The following DNAH5 variants were observed in gnomAD, a reference collection of about 807,000 sequenced individuals.
DNAH5 encodes dynein axonemal heavy chain 5, also known as axonemal beta dynein heavy chain 5.
In DNAH5, 372 loss-of-function variants were observed where a neutral mutation model predicts 518.2. That is an observed-to-expected ratio of 0.72 (90% confidence interval 0.66 to 0.78). DNAH5 has a LOEUF of 0.78. Ranked by LOEUF, DNAH5 falls within the 30% of genes least tolerant of loss-of-function variation. The pLI is 0.00. For missense variants in DNAH5, 5,523 were observed against 5,687.0 expected (o/e 0.97, Z 0.93); for synonymous variants, 2,039 against 2,025.9 (o/e 1.01, Z -0.17).
At chr5:13,862,349 G>A (rs1768574743) in intron 29 of DNAH5, among the ~76,000 whole-genome samples, 199 bp downstream of exon 29, 1 of 152,152 alleles carries the variant, frequency 6.6e-6, no homozygotes, top group African/African-American at 2.4e-5. Flanking sequence ...ATAATCTCTT[G>A]ATGATGTATA....
Position 13,693,138 on chromosome 5 carries a change from G to A in DNAH5, c.13724-1003C>T, listed in dbSNP as rs553707066. Reference sequence around the variant, plus strand: ...TTATACATTTTTTGAGGACAAGAGTGTGTCTACACCCATCCCTGTACTCTT... The same window carrying A: ...TTATACATTTTTTGAGGACAAGAGTATGTCTACACCCATCCCTGTACTCTT... On this transcript the variant is annotated intron_variant, in intron 78 of 78. Transcript: ENST00000265104. 1.8e-4 allele frequency among the ~76,000 whole-genome samples: 27 copies of A among 152,092 alleles called. 1 individual carries two copies. The highest frequency in any genetic ancestry group is 1.5e-3 in the Admixed American group (23 of 15,276).
rs377720300 is a variant in DNAH5 at position 13,842,252 on chromosome 5, C to T, written c.5272-348G>A. ...AAAATTAGCTGGGCATGGTGGTGGG[C>T]GCCTATAATCCCAGCTAATTGAGAG... On this transcript the variant is annotated intron_variant, in intron 32 of 78. Coordinates refer to ENST00000265104, the MANE Select transcript of DNAH5 (RefSeq NM_001369.3). Among the ~76,000 whole-genome samples the T allele has an allele frequency of 2.2e-4, 34 of 151,518 alleles. No homozygotes were observed. The South Asian group carries it at 4.4e-3, about 20-fold the overall frequency.
rs569480275 is a variant in DNAH5 at position 13,895,957 on chromosome 5, G to C, written c.2260-1136C>G. Among the ~76,000 whole-genome samples the C allele has an allele frequency of 3.3e-5, 5 of 152,066 alleles. No individual in the cohort carries two copies. In the South Asian group the frequency reaches 6.2e-4, roughly 19 times the overall value. On this transcript the variant is annotated intron_variant, in intron 15 of 78. Coordinates refer to ENST00000265104, the MANE Select transcript of DNAH5 (RefSeq NM_001369.3). ...TCACACACATACAGGTAATCCATTA[G>C]GATATCTTGTTTGCTGTCTAAACTG...
rs541122922 is a variant in DNAH5 at position 13,805,273 on chromosome 5, G to T, written c.7887+2318C>A. 3.0e-3 allele frequency among the ~76,000 whole-genome samples: 452 copies of T among 152,224 alleles called. 3 individuals carry two copies. Among genetic ancestry groups the T allele is most frequent in the African/African-American group, 0.01 (432 of 41,514 alleles). ...CCAGCACTTTGAGAGGCCCAGGAGG[G>T]CAGATCATGAGGTCAAGAGATCAAG... is the stretch of plus-strand genomic sequence containing the variant. On this transcript the variant is annotated intron_variant, in intron 47 of 78. Transcript: ENST00000265104.
At position 13,865,916 on chromosome 5, in the gene DNAH5, A is replaced by G. The variant is rs1395224974; in HGVS notation, c.4117-10T>C. 1.3e-6 allele frequency: 2 copies of G among 1,532,488 alleles called. No homozygotes were observed. The highest frequency in any genetic ancestry group is 4.5e-5 in the East Asian group (2 of 44,494). The allele number at this position is 1,532,488 out of a possible 1,614,324, so 94.9% of individuals were successfully genotyped here. On this transcript the variant is annotated splice_polypyrimidine_tract_variant and intron_variant, in intron 26 of 78. Coordinates refer to ENST00000265104, the MANE Select transcript of DNAH5 (RefSeq NM_001369.3). The stretch of plus-strand genomic sequence containing the variant: ...TATTATCAAATTGATTCTAATAAAA[A>G]CACAAGTGAAAACGCATCAAAATGA...
chr5:13,708,266 T>A lies in DNAH5; in HGVS notation c.13195A>T (p.Arg4399Ter). The change falls in exon 76 of 79, where the codon AGA becomes TGA. Residue 4399 changes from arginine to a stop codon, truncating the protein, a stop_gained. Coordinates refer to ENST00000265104, the MANE Select transcript of DNAH5 (RefSeq NM_001369.3). LOFTEE classifies it high-confidence loss of function. The stretch of plus-strand genomic sequence containing the variant: ...ACAAGGCTGAGTACCCTTTGCATTC[T>A]GTCTATTTCCTGCCTGAGGAAAATG... ...MNIFLRQEID[R>*]MQRVLSLVRS... is the part of the protein sequence containing the mutation. 1 of 1,614,152 alleles carries A rather than the reference T, an allele frequency of 6.2e-7. No homozygotes were observed. The highest frequency in any genetic ancestry group is 8.5e-7 in the Non-Finnish European group (1 of 1,179,976).
chr5:13,950,839 T>C (rs1384326431), intron 1 of DNAH5, among the ~76,000 whole-genome samples: 1 of 152,182 alleles, frequency 6.6e-6, no homozygotes, highest in African/African-American at 2.4e-5. Context: ...TTCAGCATTA[T>C]GGCATATAGA....
chr5:13,842,706 T>C (rs1765453055), intron 32 of DNAH5, among the ~76,000 whole-genome samples: 1 of 152,172 alleles, frequency 6.6e-6, no homozygotes, highest in Non-Finnish European at 1.5e-5. Context: ...CTAATGAGGC[T>C]TCAGTTTCAG....
At chr5:13,699,116 G>A (rs1398939132) in intron 78 of DNAH5, among the ~76,000 whole-genome samples, 1 of 152,126 alleles carries the variant, frequency 6.6e-6, no homozygotes, top group Non-Finnish European at 1.5e-5. Flanking sequence ...GAATGACCAA[G>A]CAAGCTAATG....
At chr5:13,852,658 A>G (rs914278238) in intron 30 of DNAH5, among the ~76,000 whole-genome samples, 9 of 152,126 alleles carry the variant, frequency 5.9e-5, no homozygotes, top group African/African-American at 2.2e-4. Flanking sequence ...TCTGAAGTCG[A>G]CCGGGAATGC....
At chr5:13,844,774 C>CT in intron 32 of DNAH5, 63 bp downstream of exon 32, 1 of 1,608,442 alleles carries the variant, frequency 6.2e-7, no homozygotes, top group African/African-American at 1.3e-5. Flanking sequence ...CGAAGAGCTA[C>CT]TTAAAGACAG....
intron 1 of DNAH5, among the ~76,000 whole-genome samples, chr5:13,960,844 G>A (rs1295740360): frequency 2.6e-5 from 4 of 152,206 alleles, no homozygotes; most frequent in African/African-American, 7.2e-5. Flanking sequence ...AGGTGCCCAC[G>A]TGTGCCCACT....
At chr5:13,985,429 A>AT (rs1267531440) in intron 1 of DNAH5, among the ~76,000 whole-genome samples, 19 of 48,194 alleles carry the variant, frequency 3.9e-4, no homozygotes, top group Admixed American at 6.3e-4. Flanking sequence ...AAGTATAATA[A>AT]AATATATATA....
At chr5:13,762,642 T>A in intron 60 of DNAH5, 80 bp downstream of exon 60, 1 of 1,303,470 alleles carries the variant, frequency 7.7e-7, no homozygotes, top group Non-Finnish European at 1.1e-6. Flanking sequence ...CACAGGCACA[T>A]GTGCTCCTGT....
chr5:13,852,097 C>G (rs1766952491), intron 30 of DNAH5, among the ~76,000 whole-genome samples: 1 of 148 alleles, frequency 6.8e-3, no homozygotes, highest in Non-Finnish European at 0.018. Flanking sequence ...GGTGCCTACC[C>G]CACAAGGGCC....
rs1015850611 is a variant in DNAH5, at chr5:13,944,399, C to T, written c.40G>A (p.Val14Ile). The change falls in exon 1 of 79, where the codon GTC becomes ATC. Residue 14 changes from valine (V) to isoleucine (I), a missense_variant. Val to Ile is a conservative substitution (Grantham distance 29, BLOSUM62 3). Transcript: ENST00000265104. ...IGRRQLWKHSVTRVLTQRLKG... is the reference protein window; with the variant it reads ...IGRRQLWKHSITRVLTQRLKG... Reference sequence around the variant, plus strand: ...CACCTTACCGTTAAAACTCGAGTGACGCTATGCTTCCAGAGCTGTCTCCTC... The same window carrying T: ...CACCTTACCGTTAAAACTCGAGTGATGCTATGCTTCCAGAGCTGTCTCCTC... The T allele has an allele frequency of 1.2e-5, 20 of 1,613,794 alleles. No individual in the cohort carries two copies. The highest frequency in any genetic ancestry group is 8.3e-5 in the Admixed American group (5 of 60,012).
intron 47 of DNAH5, among the ~76,000 whole-genome samples, chr5:13,805,316 G>T (rs1340626515): frequency 6.6e-6 from 1 of 152,062 alleles, no homozygotes; most frequent in African/African-American, 2.4e-5. Flanking sequence ...TGGACATCAT[G>T]GTGAAACCCC....
Position 13,777,362 on chromosome 5 carries a change from A to G in DNAH5, c.8952-7T>C, listed in dbSNP as rs752262316. The G allele has an allele frequency of 1.9e-6, 3 of 1,611,996 alleles. No homozygotes were observed. The highest frequency in any genetic ancestry group is 2.2e-5 in the South Asian group (2 of 90,974). Reference sequence around the variant, plus strand: ...ATTTGATGTGTTGTAGGATCTAAAGAAATATTTTCATTTTGTCATTAGCTA... The same window carrying G: ...ATTTGATGTGTTGTAGGATCTAAAGGAATATTTTCATTTTGTCATTAGCTA... On this transcript the variant is annotated splice_polypyrimidine_tract_variant and splice_region_variant and intron_variant, in intron 53 of 78. Coordinates refer to ENST00000265104, the MANE Select transcript of DNAH5 (RefSeq NM_001369.3).
intron 1 of DNAH5, among the ~76,000 whole-genome samples, chr5:13,973,565 A>T (rs1275000199): frequency 6.6e-6 from 1 of 152,120 alleles, no homozygotes; most frequent in Non-Finnish European, 1.5e-5. Flanking sequence ...CTCATTTGTA[A>T]AATGGAGAGG....
Sources: allele counts gnomAD v4.1 joint callset (sites outside exome capture counted in the v4.1 genomes callset), GRCh38; gene constraint gnomAD v4.1.1; transcripts MANE v1.5; gene names NCBI Gene and HGNC (gene_info 2026-07-23, HGNC 2026-07-21).